Variants in CCDC91 observed in about 807,000 individuals in gnomAD.
CCDC91 encodes the protein coiled-coil domain containing 91.
CCDC91 carries 48 observed loss-of-function variants against 63.2 expected under a neutral mutation model. That is an observed-to-expected ratio of 0.76 (90% CI 0.60 to 0.97). CCDC91 has a LOEUF of 0.97. CCDC91 is among the 50% of genes least tolerant of loss of function. The pLI is 0.00. For synonymous variants in CCDC91, 167 were observed against 165.8 expected (o/e 1.01, Z -0.06); for missense variants, 500 against 494.6 (o/e 1.01, Z -0.10).
chr12:28,298,910 A>G (rs1937735491), intron 3 of CCDC91, among the ~76,000 whole-genome samples: 1 of 151,366 alleles, frequency 6.6e-6, no homozygotes, highest in Admixed American at 6.6e-5. Flanking sequence ...TGTTTCATAT[A>G]TCTGTAGTTT....
chr12:28,458,199 CATTTT>C (rs1950139938), intron 11 of CCDC91, among the ~76,000 whole-genome samples: 1 of 152,020 alleles, frequency 6.6e-6, no homozygotes, highest in Non-Finnish European at 1.5e-5. Flanking sequence ...TTCATTCATT[CATTTT>C]AAATTTTTTA....
At chr12:28,254,499 A>C (rs557216245) in intron 1 of CCDC91, among the ~76,000 whole-genome samples, 4 of 152,310 alleles carry the variant, frequency 2.6e-5, no homozygotes, top group East Asian at 1.9e-4. Flanking sequence ...TAAATACATA[A>C]ATAAGCCCAC....
chr12:28,484,220 TTCCA>T, intron 12 of CCDC91, 55 bp downstream of exon 12: 1 of 873,656 alleles, frequency 1.1e-6, no homozygotes, highest in Non-Finnish European at 1.8e-6. Context: ...AATCAGTGAC[TTCCA>T]TACAATAACA....
chr12:28,521,912 A>C (rs1332683523), intron 12 of CCDC91, among the ~76,000 whole-genome samples: 1 of 152,166 alleles, frequency 6.6e-6, no homozygotes, highest in Non-Finnish European at 1.5e-5. Context: ...CTTGCATCCC[A>C]GGGATGAAGC....
At chr12:28,240,658 G>T (rs1024976694) in intron 1 of CCDC91, among the ~76,000 whole-genome samples, 2 of 151,526 alleles carry the variant, frequency 1.3e-5, no homozygotes. Context: ...TTCACTCAGT[G>T]TAATACCTTT....
chr12:28,486,912 G>A (rs1006201513), intron 12 of CCDC91, among the ~76,000 whole-genome samples: 6 of 151,914 alleles, frequency 3.9e-5, no homozygotes, highest in African/African-American at 1.4e-4. Context: ...ACCTTGCAGA[G>A]TTGTTATGAA....
At chr12:28,291,575 T>G (rs1358785882) in intron 3 of CCDC91, among the ~76,000 whole-genome samples, 3 of 152,228 alleles carry the variant, frequency 2.0e-5, no homozygotes, top group East Asian at 3.8e-4. Context: ...GGTGCAAGTT[T>G]GGCTTTGGGA....
intron 12 of CCDC91, among the ~76,000 whole-genome samples, chr12:28,497,935 T>G (rs1402485722): frequency 6.6e-6 from 1 of 151,588 alleles, no homozygotes; most frequent in Non-Finnish European, 1.5e-5. Flanking sequence ...TCCATTCCTG[T>G]GGTTCACATT....
intron 11 of CCDC91, among the ~76,000 whole-genome samples, chr12:28,468,548 A>AGTT (rs1185979960): frequency 6.6e-6 from 1 of 152,024 alleles, no homozygotes; most frequent in Non-Finnish European, 1.5e-5. Flanking sequence ...TTCTCAAACT[A>AGTT]TTCCAATTAA....
chr12:28,519,992 T>A (rs1241451815), intron 12 of CCDC91, among the ~76,000 whole-genome samples: 1 of 152,134 alleles, frequency 6.6e-6, no homozygotes, highest in Admixed American at 6.5e-5. Flanking sequence ...TTTGGGTTGG[T>A]TCCAAGTCTT....
At chr12:28,354,779 A>G (rs1943414873) in intron 6 of CCDC91, among the ~76,000 whole-genome samples, 1 of 152,164 alleles carries the variant, frequency 6.6e-6, no homozygotes, top group Non-Finnish European at 1.5e-5. Context: ...AAGCCATACA[A>G]TATTACAAGA....
chr12:28,462,999 G>A (rs1950381205), intron 11 of CCDC91, among the ~76,000 whole-genome samples: 1 of 152,150 alleles, frequency 6.6e-6, no homozygotes, highest in African/African-American at 2.4e-5. Flanking sequence ...AGCATGGCAT[G>A]TCCGGGAAAC....
intron 12 of CCDC91, among the ~76,000 whole-genome samples, chr12:28,530,437 C>T (rs1178945521): frequency 4.6e-5 from 7 of 152,150 alleles, no homozygotes; most frequent in Admixed American, 4.6e-4. Flanking sequence ...TACTGAAGTC[C>T]CAAACATGGA....
At chr12:28,244,768 C>T (rs1319708758) in intron 1 of CCDC91, among the ~76,000 whole-genome samples, 1 of 150,650 alleles carries the variant, frequency 6.6e-6, no homozygotes, top group Non-Finnish European at 1.5e-5. Flanking sequence ...CATCTAGGCT[C>T]CAAGAGCAAG....
At chr12:28,338,717 G>C (rs1942192727) in intron 6 of CCDC91, among the ~76,000 whole-genome samples, 1 of 152,180 alleles carries the variant, frequency 6.6e-6, no homozygotes. Flanking sequence ...ATAGGGTGGG[G>C]AGAGACCAGT....
chr12:28,450,486 T>C, intron 10 of CCDC91, 68 bp downstream of exon 10: 1 of 1,051,016 alleles, frequency 9.5e-7, no homozygotes, highest in Non-Finnish European at 1.4e-6. Flanking sequence ...ATATTAATAG[T>C]ATTCTCAATC....
intron 10 of CCDC91, among the ~76,000 whole-genome samples, chr12:28,451,641 A>G (rs1949807552): frequency 6.6e-6 from 1 of 151,720 alleles, no homozygotes. Flanking sequence ...TCAGTGAATC[A>G]ATATTTTTCA....
In CCDC91 at chr12:28,263,540, C is replaced by T. The variant is rs1946970361; in HGVS notation, c.109+4098C>T. Among the ~76,000 whole-genome samples the T allele has an allele frequency of 2.0e-5, 3 of 152,026 alleles. No homozygotes were observed. In the South Asian group the frequency reaches 6.2e-4, roughly 31 times the overall value. ...ATCAGAATTTCCTTCCTTTTTAAGCCTGAATAATATTCCATTGCCTATATA... is the reference window on the plus strand; with the variant it reads ...ATCAGAATTTCCTTCCTTTTTAAGCTTGAATAATATTCCATTGCCTATATA... On this transcript the variant is annotated intron_variant, in intron 3 of 12. Transcript: ENST00000536442.
rs1949860713 is a variant in CCDC91, at chr12:28,452,554, C to G, written c.1001C>G (p.Ala334Gly). ...AGAAAAAATTTAGAAAAAGCGCATG[C>G]TGAAGAAAGGGAATTATGGAAGACA... ...EERKNLEKAH[A>G]EERELWKTEH... Residue 334 changes from alanine to glycine, a missense_variant, in exon 11 of 13, where the codon GCT becomes GGT. Transcript: ENST00000536442. The G allele has an allele frequency of 2.5e-6, 4 of 1,589,132 alleles. No individual in the cohort carries two copies. The highest frequency in any genetic ancestry group is 3.4e-6 in the Non-Finnish European group (4 of 1,167,404).
Sources: gnomAD v4.1 joint callset for allele counts (sites outside exome capture counted in the v4.1 genomes callset) on GRCh38, gnomAD v4.1.1 for gene constraint, MANE v1.5 for transcripts, NCBI Gene and HGNC (gene_info 2026-07-23, HGNC 2026-07-21) for gene names.